The following BTRC variants were observed in gnomAD, a reference collection of about 807,000 sequenced individuals.
BTRC encodes beta-transducin repeat containing E3 ubiquitin protein ligase.
In BTRC, 42 loss-of-function variants were observed where a neutral mutation model predicts 85.5. That is an observed-to-expected ratio of 0.49 (90% CI 0.38 to 0.64). BTRC has a LOEUF of 0.64. Among genes scored for constraint, BTRC ranks in the 30% least tolerant of loss-of-function variants. The pLI, the probability that BTRC is intolerant of heterozygous loss-of-function variation, is 0.00. For missense variants in BTRC, 594 were observed against 743.5 expected, an observed-to-expected ratio of 0.80 and a Z score of 2.34; for synonymous variants, 255 against 263.3, an observed-to-expected ratio of 0.97 and a Z score of 0.30.
At chr10:101,419,802 A>G (rs1944048588) in intron 1 of BTRC, among the ~76,000 whole-genome samples, 1 of 152,098 alleles carries the variant, frequency 6.6e-6, no homozygotes, top group African/African-American at 2.4e-5. Context: ...ATTTTCTCAA[A>G]TGTAGCCTGC....
At chr10:101,551,500 TCC>T (rs1278470310) in intron 14 of BTRC, among the ~76,000 whole-genome samples, 5 of 152,152 alleles carry the variant, frequency 3.3e-5, no homozygotes, top group Non-Finnish European at 7.4e-5. Context: ...CAGGGGAAGA[TCC>T]TAAAATACCC....
At chr10:101,447,129 G>A (rs973610169) in intron 2 of BTRC, among the ~76,000 whole-genome samples, 6 of 152,170 alleles carry the variant, frequency 3.9e-5, no homozygotes, top group Non-Finnish European at 7.4e-5. Context: ...ACCAAATATA[G>A]AGCAGCTATT....
At chr10:101,491,255 T>C (rs1286064582) in intron 4 of BTRC, among the ~76,000 whole-genome samples, 1 of 150,116 alleles carries the variant, frequency 6.7e-6, no homozygotes, top group Non-Finnish European at 1.5e-5. Context: ...TGACTTACTT[T>C]AGTAATTGTT....
At chr10:101,370,729 TC>T (rs1290646308) in intron 1 of BTRC, among the ~76,000 whole-genome samples, 1 of 146,666 alleles carries the variant, frequency 6.8e-6, no homozygotes, top group Middle Eastern at 3.4e-3. Context: ...CCACCAAACA[TC>T]GGCTAATTTT....
chr10:101,462,550 A>G (rs1014554978), intron 3 of BTRC, among the ~76,000 whole-genome samples: 10 of 151,954 alleles, frequency 6.6e-5, no homozygotes, highest in African/African-American at 2.2e-4. Flanking sequence ...ATGCTGGCGC[A>G]TGCCTGTAAT....
rs1944336229 is a variant in BTRC at position 101,429,264 on chromosome 10, A to C, written c.49-1081A>C. 2.0e-5 allele frequency among the ~76,000 whole-genome samples: 3 copies of C among 152,296 alleles called. No homozygotes were observed. The South Asian group carries it at 6.2e-4, about 32-fold the overall frequency. ...CATCCTGGGATACTTTTAGAGAAAC[A>C]TGAAGAATATAAAAATAGTTTTGAA... is the stretch of plus-strand genomic sequence containing the variant. On this transcript the variant is annotated intron_variant, in intron 1 of 14. Coordinates refer to ENST00000370187, the MANE Select transcript of BTRC (RefSeq NM_033637.4).
At chr10:101,475,951 A>ATATATATATT (rs1412943010) in intron 3 of BTRC, among the ~76,000 whole-genome samples, 1 of 139,644 alleles carries the variant, frequency 7.2e-6, no homozygotes, top group Non-Finnish European at 1.5e-5. Flanking sequence ...ATATATATAT[A>ATATATATATT]TATTCAGTAA....
rs576825810 is a variant in BTRC at position 101,495,735 on chromosome 10, C to A, written c.324+16278C>A. Among the ~76,000 whole-genome samples, 9 of 152,268 alleles carry A rather than the reference C, an allele frequency of 5.9e-5. No individual in the cohort carries two copies. The East Asian group carries it at 1.7e-3, about 29-fold the overall frequency. ...AACAGAACTGTGTTCATCCTTATTGCCCTTTCTGTGAATACAATCATAGTG... is the reference window on the plus strand; with the variant it reads ...AACAGAACTGTGTTCATCCTTATTGACCTTTCTGTGAATACAATCATAGTG... On this transcript the variant is annotated intron_variant, in intron 4 of 14. Transcript: ENST00000370187.
At chr10:101,367,588 A>G (rs981087363) in intron 1 of BTRC, among the ~76,000 whole-genome samples, 4 of 152,148 alleles carry the variant, frequency 2.6e-5, no homozygotes, top group Admixed American at 6.6e-5. Context: ...AGTTGCCTTC[A>G]TGCTCCCTTT....
intron 4 of BTRC, among the ~76,000 whole-genome samples, chr10:101,505,606 C>T (rs1174057885): frequency 2.0e-5 from 3 of 146,860 alleles, no homozygotes; most frequent in Non-Finnish European, 4.5e-5. Flanking sequence ...GGCGACAGAG[C>T]GAGACTCCGT....
intron 1 of BTRC, among the ~76,000 whole-genome samples, chr10:101,394,548 C>T (rs1376305675): frequency 6.6e-6 from 1 of 152,186 alleles, no homozygotes; most frequent in African/African-American, 2.4e-5. Context: ...TCTTCCGCTT[C>T]CCTACTCCAC....
chr10:101,434,862 T>G (rs778464863), intron 2 of BTRC, among the ~76,000 whole-genome samples: 28 of 151,678 alleles, frequency 1.8e-4, no homozygotes, highest in Non-Finnish European at 1.9e-4. Flanking sequence ...CTTAAACTCC[T>G]GTCTTCAGGT....
intron 4 of BTRC, among the ~76,000 whole-genome samples, chr10:101,497,968 C>T (rs933937789): frequency 9.2e-5 from 14 of 151,994 alleles, no homozygotes; most frequent in Non-Finnish European, 1.3e-4. Context: ...TGCAGTGAGC[C>T]GTGATCGTTC....
At chr10:101,386,196 T>C (rs1489946339) in intron 1 of BTRC, among the ~76,000 whole-genome samples, 1 of 152,204 alleles carries the variant, frequency 6.6e-6, no homozygotes, top group Non-Finnish European at 1.5e-5. Context: ...TCTACTGATA[T>C]TTCCAGGACC....
intron 1 of BTRC, among the ~76,000 whole-genome samples, chr10:101,389,421 A>G (rs1943180103): frequency 6.6e-6 from 1 of 151,914 alleles, no homozygotes; most frequent in Non-Finnish European, 1.5e-5. Flanking sequence ...TCTCCACACA[A>G]TAGCCAGAGT....
chr10:101,551,279 G>C (rs571833488), intron 14 of BTRC: 1 of 158,108 alleles, frequency 6.3e-6, no homozygotes, highest in African/African-American at 2.4e-5. Flanking sequence ...TTCAAGCCAA[G>C]TAAACAGTCT....
intron 13 of BTRC, among the ~76,000 whole-genome samples, chr10:101,550,401 C>T (rs1263821949): frequency 1.3e-5 from 2 of 152,052 alleles, no homozygotes; most frequent in Non-Finnish European, 2.9e-5. Context: ...TCTTCTGCCT[C>T]AGCCTCCCAA....
intron 4 of BTRC, among the ~76,000 whole-genome samples, chr10:101,486,363 A>G (rs995845645): frequency 1.3e-5 from 2 of 152,092 alleles, no homozygotes; most frequent in Admixed American, 1.3e-4. Flanking sequence ...TGGCGCCATC[A>G]GCACGTTTTG....
chr10:101,466,639 CA>C (rs1945380684), intron 3 of BTRC, among the ~76,000 whole-genome samples: 1 of 152,134 alleles, frequency 6.6e-6, no homozygotes, highest in African/African-American at 2.4e-5. Context: ...GTTAGACTGT[CA>C]AGGGAGGATA....
Sources: allele counts gnomAD v4.1 joint callset (sites outside exome capture counted in the v4.1 genomes callset), GRCh38; gene constraint gnomAD v4.1.1; transcripts MANE v1.5; gene names NCBI Gene and HGNC (gene_info 2026-07-23, HGNC 2026-07-21).